Variants in ITGA3 observed in about 807,000 individuals in gnomAD.
ITGA3 encodes integrin subunit alpha 3, also known as integrin alpha-3.
A neutral mutation model predicts 131.1 loss-of-function variants in ITGA3; 70 were observed. That is an observed-to-expected ratio of 0.53 (90% CI 0.44 to 0.65). ITGA3 has a LOEUF of 0.65. Ranked by LOEUF, ITGA3 falls within the 30% of genes least tolerant of loss-of-function variation. The pLI, the probability that ITGA3 is intolerant of heterozygous loss-of-function variation, is 0.00. For missense variants in ITGA3, 1,098 were observed against 1,388.6 expected (o/e 0.79, Z 3.33); for synonymous variants, 537 against 571.6 (o/e 0.94, Z 0.86).
chr17:50,087,901 C>T (rs377469840), intron 24 of ITGA3, 32 bp downstream of exon 24: 1 of 1,526,560 alleles, frequency 6.6e-7, no homozygotes, highest in Non-Finnish European at 8.9e-7. Context: ...TGCTCCGGGA[C>T]CTCCACCAGC....
chr17:50,072,620 G>A (rs1268493932), intron 7 of ITGA3, among the ~76,000 whole-genome samples: 1 of 152,240 alleles, frequency 6.6e-6, no homozygotes, highest in South Asian at 2.1e-4. Context: ...GGGTAATGGT[G>A]ATGGTGGGGT....
At position 50,089,369 on chromosome 17, in the gene ITGA3, TAGC is replaced by T. The variant is rs1909612396; in HGVS notation, c.*297_*299del. 3.1e-6 allele frequency: 3 copies of T among 961,994 alleles called. No homozygotes were observed. The highest frequency in any genetic ancestry group is 1.6e-6 in the Non-Finnish European group (1 of 642,096). The allele number at this position is 961,994 out of a possible 1,614,324, so 59.6% of individuals were successfully genotyped here. A position where few individuals can be genotyped will look rare whatever the true frequency, so the allele number is the denominator to read the frequency against. ...CACAGGGGCCACCACCTTTGGCTGGTAGCAGCAGGCTCAGGCACATACACCTCG... is the reference window on the plus strand; with the variant it reads ...CACAGGGGCCACCACCTTTGGCTGGTAGCAGGCTCAGGCACATACACCTCG... On this transcript the variant is annotated 3_prime_UTR_variant, in exon 26 of 26. Transcript: ENST00000320031.
chr17:50,068,622 T>A (rs1407249817), intron 4 of ITGA3, among the ~76,000 whole-genome samples: 1 of 151,658 alleles, frequency 6.6e-6, no homozygotes, highest in East Asian at 2.0e-4. Flanking sequence ...CAACCTCAGC[T>A]TCTTGAGTAG....
chr17:50,085,596 A>G (rs1039244252), intron 23 of ITGA3, among the ~76,000 whole-genome samples: 1 of 151,744 alleles, frequency 6.6e-6, no homozygotes, highest in African/African-American at 2.4e-5. Context: ...CCCAGGAGGC[A>G]GAGGTTGCAG....
In ITGA3 at chr17:50,056,584, G is replaced by A. The variant is rs776404147; in HGVS notation, c.145G>A (p.Gly49Ser). The change falls in exon 1 of 26, where the codon GGC becomes AGC. Residue 49 changes from glycine to serine, a missense_variant. Physicochemically the swap from Gly to Ser is moderately conservative, Grantham distance 56 (BLOSUM62 0). Coordinates refer to ENST00000320031, the MANE Select transcript of ITGA3 (RefSeq NM_002204.4). The surrounding 1 kb of genome is among the most constrained non-coding windows in gnomAD (Gnocchi z 5.6). ...GGTAGTGAAGGAGGCCGGGAACCCG[G>A]GCAGCCTCTTCGGCTACTCGGTCGC... ...FLVVKEAGNP[G>S]SLFGYSVALH... 22 of 1,591,844 alleles carry A rather than the reference G, an allele frequency of 1.4e-5. No individual in the cohort carries two copies. The highest frequency in any genetic ancestry group is 1.9e-5 in the Non-Finnish European group (22 of 1,170,212).
chr17:50,081,795 G>A (rs2144310517), intron 23 of ITGA3, among the ~76,000 whole-genome samples: 1 of 152,250 alleles, frequency 6.6e-6, no homozygotes, highest in Middle Eastern at 3.4e-3. Flanking sequence ...AGCTTGTCAG[G>A]GGCTGGAACG....
Position 50,076,487 on chromosome 17 carries a change from T to C in ITGA3, c.1824+12T>C. On this transcript the variant is annotated intron_variant, in intron 13 of 25. Transcript: ENST00000320031. ...AGAACCACACTGAGGTGAGTGGGGCTGGCGCCTGGACTGGAAGACCAGGGG... is the reference window on the plus strand; with the variant it reads ...AGAACCACACTGAGGTGAGTGGGGCCGGCGCCTGGACTGGAAGACCAGGGG... The C allele has an allele frequency of 1.2e-6, 2 of 1,603,098 alleles. No individual in the cohort carries two copies. Among genetic ancestry groups the C allele is most frequent in the Non-Finnish European group, 8.5e-7 (1 of 1,177,124 alleles).
rs1254594971 is a variant in ITGA3 at position 50,064,341 on chromosome 17, C to T, written c.334+137C>T. Reference sequence around the variant, plus strand: ...TTCTTGTCCAGCTGGGAAGAGGGTGCCCTAGAGGAGAGTGGGGCTGGATGG... The same window carrying T: ...TTCTTGTCCAGCTGGGAAGAGGGTGTCCTAGAGGAGAGTGGGGCTGGATGG... On this transcript the variant is annotated intron_variant, in intron 2 of 25. Coordinates refer to ENST00000320031, the MANE Select transcript of ITGA3 (RefSeq NM_002204.4). The surrounding 1 kb of genome is among the most constrained non-coding windows in gnomAD (Gnocchi z 4.4). 9 of 1,254,042 alleles carry T rather than the reference C, an allele frequency of 7.2e-6. No individual in the cohort carries two copies. Among genetic ancestry groups the T allele is most frequent in the East Asian group, 2.5e-5 (1 of 39,592 alleles). The allele number at this position is 1,254,042 out of a possible 1,614,324, so 77.7% of individuals were successfully genotyped here.
chr17:50,075,931 G>A (rs949703586), intron 12 of ITGA3, among the ~76,000 whole-genome samples, 196 bp downstream of exon 12: 2 of 152,170 alleles, frequency 1.3e-5, no homozygotes, highest in Non-Finnish European at 2.9e-5. Context: ...CCCTTGGGGT[G>A]GGGATGGGGC....
rs1159819737 is a variant in ITGA3 at position 50,076,314 on chromosome 17, C to T, written c.1675-12C>T. 3 of 1,611,970 alleles carry T rather than the reference C, an allele frequency of 1.9e-6. No individual in the cohort carries two copies. The highest frequency in any genetic ancestry group is 2.5e-6 in the Non-Finnish European group (3 of 1,179,010). ...AGTGCAGGGCCGGGCTCAGCTCACCCTCTCTCCCCAGGACAACCTCCGTGA... is the reference window on the plus strand; with the variant it reads ...AGTGCAGGGCCGGGCTCAGCTCACCTTCTCTCCCCAGGACAACCTCCGTGA... On this transcript the variant is annotated splice_polypyrimidine_tract_variant and intron_variant, in intron 12 of 25. Transcript: ENST00000320031.
In ITGA3 at chr17:50,064,517, G is replaced by A. The variant is rs190709337; in HGVS notation, c.335-11G>A. The A allele has an allele frequency of 2.7e-5, 44 of 1,608,356 alleles. No individual in the cohort carries two copies. Among genetic ancestry groups the A allele is most frequent in the South Asian group, 2.5e-4 (22 of 89,298 alleles). On this transcript the variant is annotated splice_polypyrimidine_tract_variant and intron_variant, in intron 2 of 25. Transcript: ENST00000320031. The surrounding 1 kb of genome is among the most constrained non-coding windows in gnomAD (Gnocchi z 4.4). Reference sequence around the variant, plus strand: ...AGGTGCTCTGATTCATGATCCTTCCGGTGCCCACAGATGACCCTGGCCATC... The same window carrying A: ...AGGTGCTCTGATTCATGATCCTTCCAGTGCCCACAGATGACCCTGGCCATC...
intron 23 of ITGA3, 61 bp downstream of exon 23, chr17:50,081,469 C>A: frequency 8.2e-7 from 1 of 1,221,924 alleles, no homozygotes; most frequent in East Asian, 2.5e-5. Context: ...TACAGGGCAT[C>A]TTTTAAGAGG....
rs759172421 is a variant in ITGA3, at chr17:50,072,072, C to T, written c.1046C>T (p.Ala349Val). The T allele has an allele frequency of 1.1e-5, 17 of 1,613,912 alleles. No individual in the cohort carries two copies. Among genetic ancestry groups the T allele is most frequent in the African/African-American group, 6.7e-5 (5 of 74,872 alleles). The change falls in exon 7 of 26, where the codon GCG becomes GTG. Residue 349 changes from alanine to valine, a missense_variant. This residue lies in a region of ITGA3 where 356 missense variants were observed against 529.2 expected (regional missense o/e 0.67). Coordinates refer to ENST00000320031, the MANE Select transcript of ITGA3 (RefSeq NM_002204.4). ...GGAIYVFMNQ[A>V]GTSFPAHPSL... ...GCCATCTATGTCTTCATGAACCAGG[C>T]GGGAACCTCCTTCCCTGCTCACCCC...
intron 15 of ITGA3, 114 bp from the exon 16 acceptor site, chr17:50,077,265 G>A: frequency 1.5e-6 from 2 of 1,313,062 alleles, no homozygotes; most frequent in Admixed American, 2.0e-5. Flanking sequence ...TAGCGTCTCT[G>A]CTGCTTGGAG....
intron 8 of ITGA3, 28 bp from the exon 9 acceptor site, chr17:50,074,116 T>G: frequency 6.3e-7 from 1 of 1,599,100 alleles, no homozygotes; most frequent in Non-Finnish European, 8.6e-7. Context: ...CCCCAGAGCC[T>G]GCCCCCACCA....
At position 50,088,206 on chromosome 17, in the gene ITGA3, C is replaced by T; in HGVS notation, c.3046-19C>T. The stretch of plus-strand genomic sequence containing the variant: ...CAGCGCCCCCCTGATGGCCCGTCCC[C>T]ACCTCCTCCCCTCCGCAGTGCGGCT... On this transcript the variant is annotated intron_variant, in intron 24 of 25. Transcript: ENST00000320031. 4.5e-6 allele frequency: 7 copies of T among 1,549,976 alleles called. No homozygotes were observed. The highest frequency in any genetic ancestry group is 6.1e-6 in the Non-Finnish European group (7 of 1,146,076).
At chr17:50,088,574 G>C (rs1422591790) in intron 25 of ITGA3, among the ~76,000 whole-genome samples, 2 of 152,304 alleles carry the variant, frequency 1.3e-5, no homozygotes, top group East Asian at 3.9e-4. Context: ...TGGTGACTTG[G>C]GACCCCATGA....
chr17:50,074,049 T>C (rs752845203), intron 8 of ITGA3, 45 bp downstream of exon 8: 1 of 1,557,600 alleles, frequency 6.4e-7, no homozygotes, highest in East Asian at 2.2e-5. Context: ...CCAGCCGAGA[T>C]GGGCCTTCCT....
At chr17:50,082,953 A>G (rs1909248933) in intron 23 of ITGA3, among the ~76,000 whole-genome samples, 1 of 152,240 alleles carries the variant, frequency 6.6e-6, no homozygotes, top group Non-Finnish European at 1.5e-5. Flanking sequence ...GAATAAATAT[A>G]AAATTGCTAA....
Sources: allele counts gnomAD v4.1 joint callset (sites outside exome capture counted in the v4.1 genomes callset), GRCh38; gene constraint gnomAD v4.1.1; regional missense constraint gnomAD v4.1.1; non-coding constraint Gnocchi (gnomAD v3.1); transcripts MANE v1.5; gene names NCBI Gene and HGNC (gene_info 2026-07-23, HGNC 2026-07-21).